Variants in INPP5A observed in about 807,000 individuals in gnomAD.
The protein encoded by INPP5A is inositol polyphosphate-5-phosphatase A, also known as 43 kDa inositol polyphosphate 5-phophatase.
In INPP5A, 14 loss-of-function variants were observed where a neutral mutation model predicts 65.2. The observed-to-expected ratio is 0.21, with a 90% CI of 0.14 to 0.34. INPP5A has a LOEUF of 0.34. Among genes scored for constraint, INPP5A ranks in the 10% least tolerant of loss-of-function variants. The pLI is 1.00. For missense variants in INPP5A, 431 were observed against 545.6 expected, an observed-to-expected ratio of 0.79 and a Z score of 2.09; for synonymous variants, 207 against 208.3, an observed-to-expected ratio of 0.99 and a Z score of 0.05.
chr10:132,769,767 TCAA>T (rs1289578620), intron 12 of INPP5A, among the ~76,000 whole-genome samples: 1 of 151,760 alleles, frequency 6.6e-6, no homozygotes, highest in Non-Finnish European at 1.5e-5. Flanking sequence ...GGTGTGCGCC[TCAA>T]CAGCAGCCCT....
chr10:132,622,947 A>T (rs2072126422), intron 2 of INPP5A, among the ~76,000 whole-genome samples: 1 of 151,048 alleles, frequency 6.6e-6, no homozygotes, highest in Admixed American at 6.6e-5. Flanking sequence ...CTTGAGAAAT[A>T]TACCGTCCGT....
Position 132,698,493 on chromosome 10 carries a change from C to G in INPP5A, c.474+574C>G, listed in dbSNP as rs1432146148. Among the ~76,000 whole-genome samples, 1 of 152,256 alleles carries G rather than the reference C, an allele frequency of 6.6e-6. No homozygotes were observed. The highest frequency in any genetic ancestry group is 1.5e-5 in the Non-Finnish European group (1 of 68,044). ...GTTGATGAGAAATTGGTGTTTCCTT[C>G]TGGCGGCCATGCACTTTGCTGAGCT... On this transcript the variant is annotated intron_variant, in intron 6 of 15. Transcript: ENST00000368594. The surrounding 1 kb of genome is among the most constrained non-coding windows in gnomAD (Gnocchi z 5.5).
intron 1 of INPP5A, among the ~76,000 whole-genome samples, chr10:132,542,427 G>GTC: frequency 6.6e-6 from 1 of 151,528 alleles, no homozygotes; most frequent in Middle Eastern, 3.4e-3. Flanking sequence ...GCAGGCTGGC[G>GTC]TCTCTCTCTG....
chr10:132,644,840 A>G lies in INPP5A; in HGVS notation c.118-1028A>G, dbSNP rs566736802. The stretch of plus-strand genomic sequence containing the variant: ...AAATGGGGCTCCCCGACTGCCTCAC[A>G]TGTGTCCCACCCAGGGTTTCCTGCC... On this transcript the variant is annotated intron_variant, in intron 2 of 15. Coordinates refer to ENST00000368594, the MANE Select transcript of INPP5A (RefSeq NM_005539.5). The surrounding 1 kb of genome is among the most constrained non-coding windows in gnomAD (Gnocchi z 6.5). Among the ~76,000 whole-genome samples the G allele has an allele frequency of 1.8e-3, 277 of 152,216 alleles. No individual in the cohort carries two copies. Among genetic ancestry groups the G allele is most frequent in the Non-Finnish European group, 2.8e-3 (192 of 68,016 alleles).
chr10:132,716,550 T>A (rs1179382277), intron 8 of INPP5A, among the ~76,000 whole-genome samples: 1 of 152,132 alleles, frequency 6.6e-6, no homozygotes, highest in African/African-American at 2.4e-5. Flanking sequence ...CCCGGCCCTT[T>A]GGTGGCAGAC....
At chr10:132,671,949 G>A (rs2072898150) in intron 4 of INPP5A, among the ~76,000 whole-genome samples, 1 of 152,162 alleles carries the variant, frequency 6.6e-6, no homozygotes, top group African/African-American at 2.4e-5. Context: ...GGTGACGGTG[G>A]GGGTGGTGCT....
At chr10:132,739,789 C>T (rs1846241577) in intron 9 of INPP5A, among the ~76,000 whole-genome samples, 1 of 152,214 alleles carries the variant, frequency 6.6e-6, no homozygotes, top group South Asian at 2.1e-4. Flanking sequence ...GCTTGTGAGG[C>T]CCTCGCCATG....
Position 132,762,828 on chromosome 10 carries a change from A to G in INPP5A, c.904-2945A>G, listed in dbSNP as rs1346996150. Among the ~76,000 whole-genome samples the G allele has an allele frequency of 1.3e-5, 2 of 152,092 alleles. No individual in the cohort carries two copies. The highest frequency in any genetic ancestry group is 2.9e-5 in the Non-Finnish European group (2 of 68,022). On this transcript the variant is annotated intron_variant, in intron 11 of 15. Coordinates refer to ENST00000368594, the MANE Select transcript of INPP5A (RefSeq NM_005539.5). This position sits in a 1 kb window ranked among gnomAD's most constrained non-coding sequence, Gnocchi z 4.6. ...CAATGTGGCAAGACCCCGTCTCTAC[A>G]AAAAATAAAGACTTAGCAGGAGTGG...
intron 9 of INPP5A, among the ~76,000 whole-genome samples, chr10:132,733,579 AT>A (rs1846123801): frequency 6.6e-6 from 1 of 152,200 alleles, no homozygotes; most frequent in Non-Finnish European, 1.5e-5. Flanking sequence ...ACTGTAAAAC[AT>A]TTCGTAGAAA....
intron 9 of INPP5A, among the ~76,000 whole-genome samples, chr10:132,739,246 G>A (rs1024990670): frequency 2.0e-5 from 3 of 151,048 alleles, no homozygotes; most frequent in African/African-American, 7.3e-5. Context: ...GCTTCACTGG[G>A]GGCTGAGCAT....
chr10:132,712,764 A>T (rs770493593), intron 8 of INPP5A, among the ~76,000 whole-genome samples: 101 of 142,502 alleles, frequency 7.1e-4, no homozygotes, highest in Non-Finnish European at 1.3e-3. Context: ...GTGTCTGTGT[A>T]TTTGGGTGTG....
rs2071040114 is a variant in INPP5A, at chr10:132,550,838, C to T, written c.75+12667C>T. Among the ~76,000 whole-genome samples, 1 of 152,202 alleles carries T rather than the reference C, an allele frequency of 6.6e-6. No homozygotes were observed. The highest frequency in any genetic ancestry group is 1.5e-5 in the Non-Finnish European group (1 of 68,042). On this transcript the variant is annotated intron_variant, in intron 1 of 15. Coordinates refer to ENST00000368594, the MANE Select transcript of INPP5A (RefSeq NM_005539.5). The surrounding 1 kb of genome is among the most constrained non-coding windows in gnomAD (Gnocchi z 4.2). ...CCTTGGCACTGCAGGGGCGGTTCTG[C>T]CAGACATAGCTGTTGTCTCTTTGGC... is the stretch of plus-strand genomic sequence containing the variant.
At chr10:132,735,538 G>T (rs1429216048) in intron 9 of INPP5A, among the ~76,000 whole-genome samples, 1 of 152,224 alleles carries the variant, frequency 6.6e-6, no homozygotes, top group Non-Finnish European at 1.5e-5. Flanking sequence ...ACCACGGCTG[G>T]CCTGGCTTTG....
Position 132,753,682 on chromosome 10 carries a change from A to G in INPP5A, c.903+3837A>G, listed in dbSNP as rs1846537902. The G allele has an allele frequency of 6.6e-6, 1 of 152,154 alleles. No individual in the cohort carries two copies. Among genetic ancestry groups the G allele is most frequent in the Admixed American group, 6.6e-5 (1 of 15,262 alleles). The allele number at this position is 152,154 out of a possible 1,614,324, so 9.4% of individuals were successfully genotyped here. A position where few individuals can be genotyped will look rare whatever the true frequency, so the allele number is the denominator to read the frequency against. Reference sequence around the variant, plus strand: ...GGCCGGGCTTGGGAGTTTCCGCAGCACCGGCCTCTTGGAGGGAGGTGTTTT... The same window carrying G: ...GGCCGGGCTTGGGAGTTTCCGCAGCGCCGGCCTCTTGGAGGGAGGTGTTTT... On this transcript the variant is annotated intron_variant, in intron 11 of 15. Coordinates refer to ENST00000368594, the MANE Select transcript of INPP5A (RefSeq NM_005539.5). The surrounding 1 kb of genome is among the most constrained non-coding windows in gnomAD (Gnocchi z 5.3).
intron 4 of INPP5A, among the ~76,000 whole-genome samples, chr10:132,655,413 G>A (rs866989028): frequency 6.6e-6 from 1 of 152,188 alleles, no homozygotes; most frequent in East Asian, 1.9e-4. Context: ...GTGCCTGGGC[G>A]AGGCTTTCCC....
rs564062739 is a variant in INPP5A, at chr10:132,736,473, C to T, written c.732+9568C>T. Among the ~76,000 whole-genome samples, 92 of 152,344 alleles carry T rather than the reference C, an allele frequency of 6.0e-4. 2 individuals are homozygous for T. The South Asian group carries it at 0.019, about 31-fold the overall frequency. On this transcript the variant is annotated intron_variant, in intron 9 of 15. Transcript: ENST00000368594. ...CCTGCAGGGGAATGGCCGTTGGGGG[C>T]GTTGACATCCAGAAGGAGCCGTCCT... is the stretch of plus-strand genomic sequence containing the variant.
At chr10:132,573,434 G>T (rs1176930949) in intron 1 of INPP5A, among the ~76,000 whole-genome samples, 1 of 107,830 alleles carries the variant, frequency 9.3e-6, no homozygotes, top group East Asian at 3.1e-4. Flanking sequence ...TGAGATGTTG[G>T]GGTGTACGTG....
In INPP5A at chr10:132,663,933, C is replaced by T. The variant is rs1401958053; in HGVS notation, c.306+13428C>T. ...CCTCGTGGGCAGCCGATCCATCAGG[C>T]GGCCGACAGGCGTGATCGAGTGCCG... On this transcript the variant is annotated intron_variant, in intron 4 of 15. Coordinates refer to ENST00000368594, the MANE Select transcript of INPP5A (RefSeq NM_005539.5). This position sits in a 1 kb window ranked among gnomAD's most constrained non-coding sequence, Gnocchi z 4.5. Among the ~76,000 whole-genome samples, 3 of 152,224 alleles carry T rather than the reference C, an allele frequency of 2.0e-5. No homozygotes were observed. The highest frequency in any genetic ancestry group is 6.5e-5 in the Admixed American group (1 of 15,276).
chr10:132,552,920 G>T (rs1306788621), intron 1 of INPP5A, among the ~76,000 whole-genome samples: 2 of 126,600 alleles, frequency 1.6e-5, no homozygotes, highest in African/African-American at 6.2e-5. Context: ...GGGAGGATTG[G>T]TGAACGCCTT....
Sources: gnomAD v4.1 joint callset for allele counts (sites outside exome capture counted in the v4.1 genomes callset) on GRCh38, gnomAD v4.1.1 for gene constraint, Gnocchi (gnomAD v3.1) non-coding constraint, MANE v1.5 for transcripts, NCBI Gene and HGNC (gene_info 2026-07-23, HGNC 2026-07-21) for gene names.